NPLOC4: variants seen among roughly 807,000 people sequenced by gnomAD.
The protein encoded by NPLOC4 is NPL4 homolog, ubiquitin recognition factor, also known as nuclear protein localization protein 4 homolog.
A neutral mutation model predicts 80.6 loss-of-function variants in NPLOC4; 18 were observed. The observed-to-expected ratio is 0.22, with a 90% CI of 0.15 to 0.33. The LOEUF (loss-of-function observed/expected upper bound fraction) is 0.33, where lower values mean the gene tolerates loss of function less well. Ranked by LOEUF, NPLOC4 falls within the 10% of genes least tolerant of loss-of-function variation. NPLOC4 has a pLI of 1.00. For missense variants in NPLOC4, 540 were observed against 786.1 expected, an observed-to-expected ratio of 0.69 and a Z score of 3.74; for synonymous variants, 313 against 301.5, an observed-to-expected ratio of 1.04 and a Z score of -0.39.
At chr17:81,559,541 G>T in intron 16 of NPLOC4, 125 bp from the exon 17 acceptor site, 1 of 1,105,926 alleles carries the variant, frequency 9.0e-7, no homozygotes, top group Non-Finnish European at 1.3e-6. Context: ...CCCAGTGCTG[G>T]TCCTGCCCAC....
chr17:81,629,927 T>C, intron 1 of NPLOC4, 122 bp from the exon 2 acceptor site: 2 of 702,714 alleles, frequency 2.8e-6, no homozygotes, highest in South Asian at 3.3e-5. Flanking sequence ...AACCTCACTC[T>C]TCACCTTTCA....
chr17:81,579,501 G>A (rs2034382883), intron 12 of NPLOC4, among the ~76,000 whole-genome samples: 3 of 152,046 alleles, frequency 2.0e-5, no homozygotes, highest in Admixed American at 1.3e-4. Context: ...CTAAAAGGTG[G>A]TCTCCACTCC....
In NPLOC4 at chr17:81,586,414, G is replaced by A. The variant is rs552219962; in HGVS notation, c.1281+2530C>T. Reference sequence around the variant, plus strand: ...CACTTGAGTCCAGGAGTTCAAGACCGGCCTGGCCAACATGGTAAAACACAG... The same window carrying A: ...CACTTGAGTCCAGGAGTTCAAGACCAGCCTGGCCAACATGGTAAAACACAG... On this transcript the variant is annotated intron_variant, in intron 12 of 16. Transcript: ENST00000331134. 1.7e-4 allele frequency among the ~76,000 whole-genome samples: 26 copies of A among 151,964 alleles called. 1 individual carries two copies. The South Asian group carries it at 1.9e-3, about 11-fold the overall frequency.
intron 13 of NPLOC4, among the ~76,000 whole-genome samples, chr17:81,570,992 G>A (rs2034146890): frequency 6.6e-6 from 1 of 152,162 alleles, no homozygotes; most frequent in Non-Finnish European, 1.5e-5. Flanking sequence ...TGAGAAAGCT[G>A]GTTTTAAATC....
intron 7 of NPLOC4, among the ~76,000 whole-genome samples, chr17:81,605,811 A>T (rs1210529258): frequency 6.8e-6 from 1 of 146,138 alleles, no homozygotes; most frequent in African/African-American, 2.4e-5. Flanking sequence ...AGGGCAAAAA[A>T]CAAACACATT....
intron 16 of NPLOC4, 80 bp downstream of exon 16, chr17:81,565,425 C>A (rs1319591617): frequency 8.3e-7 from 1 of 1,211,344 alleles, no homozygotes; most frequent in Admixed American, 2.0e-5. Flanking sequence ...AGGGCACCAC[C>A]GGCAGTGGGG....
At chr17:81,634,812 T>G (rs532953387) in intron 1 of NPLOC4, among the ~76,000 whole-genome samples, 1 of 152,036 alleles carries the variant, frequency 6.6e-6, no homozygotes. Context: ...CTTGAACTCC[T>G]GACCTCGTGA....
At chr17:81,575,138 C>T (rs1267043347) in intron 12 of NPLOC4, among the ~76,000 whole-genome samples, 3 of 152,088 alleles carry the variant, frequency 2.0e-5, no homozygotes, top group African/African-American at 2.4e-5. Context: ...CTCGCTCTGT[C>T]GCCCAGGCTG....
At chr17:81,587,729 A>C (rs2034624671) in intron 12 of NPLOC4, among the ~76,000 whole-genome samples, 3 of 130,186 alleles carry the variant, frequency 2.3e-5, no homozygotes. Flanking sequence ...GCTGGAGTGC[A>C]GTGGCACGAT....
chr17:81,585,649 A>G (rs1242543191), intron 12 of NPLOC4, among the ~76,000 whole-genome samples: 4 of 138,326 alleles, frequency 2.9e-5, no homozygotes. Flanking sequence ...AGACAGAGGA[A>G]GACTCCATTT....
chr17:81,614,915 C>G (rs1598670229), intron 3 of NPLOC4, among the ~76,000 whole-genome samples: 2 of 152,110 alleles, frequency 1.3e-5, no homozygotes, highest in Non-Finnish European at 1.5e-5. Flanking sequence ...TCTGAGAGGG[C>G]AGGATCCACA....
chr17:81,595,842 C>A (rs1261791227), intron 11 of NPLOC4, among the ~76,000 whole-genome samples: 1 of 152,086 alleles, frequency 6.6e-6, no homozygotes, highest in African/African-American at 2.4e-5. Context: ...CCACGCCCGG[C>A]CAAAAAAGTG....
At chr17:81,581,348 C>CAAA (rs1169351301) in intron 12 of NPLOC4, among the ~76,000 whole-genome samples, 8 of 8,476 alleles carry the variant, frequency 9.4e-4, no homozygotes, top group Admixed American at 5.3e-3. Flanking sequence ...GACTCCAACG[C>CAAA]AAAAAAAAAA....
chr17:81,600,474 G>A (rs1318536335), intron 8 of NPLOC4, 47 bp from the exon 9 acceptor site: 3 of 1,471,158 alleles, frequency 2.0e-6, no homozygotes, highest in African/African-American at 1.4e-5. Flanking sequence ...AGAGGGCTCA[G>A]GAAGCAGCAC....
chr17:81,636,447 G>C (rs1428075621), intron 1 of NPLOC4: 4 of 153,868 alleles, frequency 2.6e-5, no homozygotes, highest in African/African-American at 7.2e-5. Flanking sequence ...CTGCAGAGCT[G>C]CTCTCCTTAG....
chr17:81,582,996 A>G (rs528821567), intron 12 of NPLOC4, among the ~76,000 whole-genome samples: 1 of 152,358 alleles, frequency 6.6e-6, no homozygotes, highest in South Asian at 2.1e-4. Context: ...GCCCCTGCGC[A>G]CTCACAACTG....
chr17:81,610,604 A>G (rs1287970604), intron 4 of NPLOC4, among the ~76,000 whole-genome samples: 1 of 152,140 alleles, frequency 6.6e-6, no homozygotes, highest in Non-Finnish European at 1.5e-5. Context: ...TATGAATTAG[A>G]AAAAACTGAC....
chr17:81,594,600 C>T (rs2144166343), intron 11 of NPLOC4, among the ~76,000 whole-genome samples: 1 of 152,008 alleles, frequency 6.6e-6, no homozygotes, highest in South Asian at 2.1e-4. Flanking sequence ...ATGGTGAAAC[C>T]CCATCTCTAC....
intron 12 of NPLOC4, among the ~76,000 whole-genome samples, chr17:81,576,379 A>T (rs1221972990): frequency 6.6e-6 from 1 of 152,208 alleles, no homozygotes; most frequent in East Asian, 1.9e-4. Context: ...CACAGATTGA[A>T]AATACAGTAT....
Sources: allele counts gnomAD v4.1 joint callset (sites outside exome capture counted in the v4.1 genomes callset), GRCh38; gene constraint gnomAD v4.1.1; transcripts MANE v1.5; gene names NCBI Gene and HGNC (gene_info 2026-07-23, HGNC 2026-07-21).